NOVA1: variants seen among roughly 807,000 people sequenced by gnomAD.
NOVA1 encodes the protein NOVA alternative splicing regulator 1.
In NOVA1, 7 loss-of-function variants were observed where a neutral mutation model predicts 38.0. That is an observed-to-expected ratio of 0.18 (90% CI 0.10 to 0.35). The LOEUF (loss-of-function observed/expected upper bound fraction) is 0.35, where lower values mean the gene tolerates loss of function less well. Ranked by LOEUF, NOVA1 falls within the 10% of genes least tolerant of loss-of-function variation. NOVA1 has a pLI of 1.00. For missense variants in NOVA1, 460 were observed against 616.0 expected (o/e 0.75, Z 2.68); for synonymous variants, 270 against 232.5 (o/e 1.16, Z -1.47).
At chr14:26,576,395 G>A (rs890285007) in intron 2 of NOVA1, among the ~76,000 whole-genome samples, 2 of 150,252 alleles carry the variant, frequency 1.3e-5, no homozygotes, top group African/African-American at 4.9e-5. Context: ...TAATTTTTAC[G>A]GATACTAAAA....
intron 2 of NOVA1, among the ~76,000 whole-genome samples, chr14:26,524,423 T>C (rs887041735): frequency 3.3e-5 from 5 of 152,118 alleles, no homozygotes; most frequent in African/African-American, 4.8e-5. Flanking sequence ...ACAAGACAAA[T>C]GGCTCAAATG....
chr14:26,568,597 C>G (rs1251152154), intron 2 of NOVA1: 9 of 152,284 alleles, frequency 5.9e-5, no homozygotes, highest in African/African-American at 1.9e-4. Flanking sequence ...ATATTAAAAA[C>G]ACATTCTTCA....
intron 2 of NOVA1, among the ~76,000 whole-genome samples, chr14:26,487,817 CCTT>C (rs1385595307): frequency 6.6e-6 from 1 of 152,048 alleles, no homozygotes; most frequent in African/African-American, 2.4e-5. Flanking sequence ...AATGATTGAC[CCTT>C]CTTGCAGAGA....
intron 2 of NOVA1, among the ~76,000 whole-genome samples, chr14:26,515,463 A>G (rs1244621358): frequency 6.6e-6 from 1 of 152,006 alleles, no homozygotes; most frequent in South Asian, 2.1e-4. Context: ...TGTCAGGCAC[A>G]TAATACATAC....
intron 2 of NOVA1, among the ~76,000 whole-genome samples, chr14:26,584,275 C>A (rs1408570759): frequency 6.6e-6 from 1 of 151,204 alleles, no homozygotes; most frequent in African/African-American, 2.4e-5. Flanking sequence ...TAAATTGGGT[C>A]TTTATAAAAT....
rs61085219 is a variant in NOVA1, at chr14:26,595,639, A to G, written c.137-86T>C. 4.7e-3 allele frequency: 5,330 copies of G among 1,146,020 alleles called. 172 individuals are homozygous for G. The African/African-American group carries it at 0.074, about 16-fold the overall frequency. 71.0% of individuals were successfully genotyped at this position (1,146,020 alleles called of 1,614,324 possible). On this transcript the variant is annotated intron_variant, in intron 1 of 4. Transcript: ENST00000539517. ...CCACCCTCAAGAGAGAAAAACAGCA[A>G]CTAAAGCACTGGGTATATAACTGCA...
At chr14:26,571,559 G>C (rs774530258) in intron 2 of NOVA1, among the ~76,000 whole-genome samples, 1 of 152,166 alleles carries the variant, frequency 6.6e-6, no homozygotes, top group Non-Finnish European at 1.5e-5. Flanking sequence ...CCACAAGAGC[G>C]AGGAGGCTCC....
At chr14:26,548,201 G>A (rs751403461) in intron 2 of NOVA1, among the ~76,000 whole-genome samples, 1 of 151,908 alleles carries the variant, frequency 6.6e-6, no homozygotes, top group Non-Finnish European at 1.5e-5. Context: ...AGTCACTTAA[G>A]CCCAAATATC....
chr14:26,464,454 CACA>C (rs1883954870), intron 4 of NOVA1, among the ~76,000 whole-genome samples: 1 of 152,184 alleles, frequency 6.6e-6, no homozygotes, highest in Non-Finnish European at 1.5e-5. Context: ...ATGATGTTCA[CACA>C]ACAATATCGT....
At chr14:26,455,241 A>G (rs1883065834) in intron 4 of NOVA1, among the ~76,000 whole-genome samples, 1 of 152,138 alleles carries the variant, frequency 6.6e-6, no homozygotes, top group Non-Finnish European at 1.5e-5. Flanking sequence ...CTCAGATTTT[A>G]AACCTAGGAG....
chr14:26,503,804 G>A (rs178192), intron 2 of NOVA1, among the ~76,000 whole-genome samples: 91,742 of 151,870 alleles, frequency 0.6, 31,584 homozygotes, highest in Non-Finnish European at 0.75. Flanking sequence ...AATTTATAAC[G>A]TAGCCCTTTA....
intron 2 of NOVA1, among the ~76,000 whole-genome samples, chr14:26,572,763 T>TGG (rs1378904012): frequency 1.3e-5 from 2 of 150,626 alleles, no homozygotes; most frequent in African/African-American, 4.9e-5. Context: ...TGTGTGTGTG[T>TGG]GTATGTGTGT....
intron 2 of NOVA1, among the ~76,000 whole-genome samples, chr14:26,541,306 G>C (rs994325746): frequency 1.5e-4 from 22 of 151,592 alleles, no homozygotes; most frequent in African/African-American, 5.3e-4. Flanking sequence ...TTTTGTATAG[G>C]AACACAATCC....
At chr14:26,542,419 G>A (rs1890519405) in intron 2 of NOVA1, among the ~76,000 whole-genome samples, 1 of 151,636 alleles carries the variant, frequency 6.6e-6, no homozygotes, top group Non-Finnish European at 1.5e-5. Context: ...CTAAATTTCA[G>A]TAATAAAGAC....
At chr14:26,586,483 T>C (rs1468385319) in intron 2 of NOVA1, among the ~76,000 whole-genome samples, 1 of 151,190 alleles carries the variant, frequency 6.6e-6, no homozygotes, top group Non-Finnish European at 1.5e-5. Context: ...AAATACACTA[T>C]ACTTACAGGA....
chr14:26,528,385 G>A (rs1889450284), intron 2 of NOVA1, among the ~76,000 whole-genome samples: 1 of 152,118 alleles, frequency 6.6e-6, no homozygotes, highest in Admixed American at 6.5e-5. Context: ...ATGGTACAAT[G>A]CATATTGTAT....
chr14:26,505,138 T>G (rs1459696903), intron 2 of NOVA1, among the ~76,000 whole-genome samples: 1 of 152,132 alleles, frequency 6.6e-6, no homozygotes, highest in Non-Finnish European at 1.5e-5. Context: ...ACCAAAACAT[T>G]ATTACATATG....
chr14:26,497,513 C>T (rs1161833790), intron 2 of NOVA1, among the ~76,000 whole-genome samples: 13 of 152,172 alleles, frequency 8.5e-5, no homozygotes, highest in Admixed American at 7.9e-4. Flanking sequence ...TTTCTATTTA[C>T]TAAGGATTAT....
At chr14:26,467,873 C>T (rs941825386) in intron 4 of NOVA1, among the ~76,000 whole-genome samples, 2 of 152,006 alleles carry the variant, frequency 1.3e-5, no homozygotes, top group African/African-American at 4.8e-5. Context: ...GGTCATTAGC[C>T]GGGAGAGAAT....
Sources: allele counts gnomAD v4.1 joint callset (sites outside exome capture counted in the v4.1 genomes callset), GRCh38; gene constraint gnomAD v4.1.1; transcripts MANE v1.5; gene names NCBI Gene and HGNC (gene_info 2026-07-23, HGNC 2026-07-21).